The following PPP6R3 variants were observed in gnomAD, a reference collection of about 807,000 sequenced individuals.
PPP6R3 encodes the protein protein phosphatase 6 regulatory subunit 3.
Under a neutral mutation model 110.7 loss-of-function variants are expected in PPP6R3, and 38 were observed. The ratio of observed to expected loss-of-function variants is 0.34; its 90% CI spans 0.26 to 0.45. PPP6R3 has a LOEUF of 0.45. Among genes scored for constraint, PPP6R3 ranks in the 20% least tolerant of loss-of-function variants. PPP6R3 has a pLI of 1.00. For synonymous variants in PPP6R3, 369 were observed against 373.5 expected, an observed-to-expected ratio of 0.99 and a Z score of 0.14; for missense variants, 870 against 1,062.4, an observed-to-expected ratio of 0.82 and a Z score of 2.52.
intron 7 of PPP6R3, among the ~76,000 whole-genome samples, chr11:68,556,143 C>T (rs1198558720): frequency 6.6e-6 from 1 of 152,030 alleles, no homozygotes; most frequent in African/African-American, 2.4e-5. Context: ...ACATAGCTTG[C>T]CGAGCTCTAT....
At position 68,509,911 on chromosome 11, in the gene PPP6R3, G is replaced by A. The variant is rs374916962; in HGVS notation, c.-157-9590G>A. 4.6e-4 allele frequency among the ~76,000 whole-genome samples: 70 copies of A among 151,018 alleles called. No homozygotes were observed. In the East Asian group the frequency reaches 0.01, roughly 22 times the overall value. ...ATTACAGGTGCCTGCCACCACACTC[G>A]GCAAATTTTTTTTTTTTTTTAAGTA... is the stretch of plus-strand genomic sequence containing the variant. On this transcript the variant is annotated intron_variant, in intron 1 of 23. Coordinates refer to ENST00000393800, the MANE Select transcript of PPP6R3 (RefSeq NM_001164161.2).
At chr11:68,520,089 A>T (rs1428036801) in intron 2 of PPP6R3, among the ~76,000 whole-genome samples, 1 of 152,182 alleles carries the variant, frequency 6.6e-6, no homozygotes, top group Non-Finnish European at 1.5e-5. Flanking sequence ...CCATCACTTT[A>T]GAAGTTTTTA....
intron 1 of PPP6R3, among the ~76,000 whole-genome samples, chr11:68,486,603 TAA>T (rs61408861): frequency 0.023 from 2,518 of 111,606 alleles, 96 homozygotes; most frequent in African/African-American, 0.082. Flanking sequence ...GACTCTGTCT[TAA>T]AAAAAAAAAA....
intron 8 of PPP6R3, among the ~76,000 whole-genome samples, chr11:68,561,014 A>C (rs903768403): frequency 6.7e-6 from 1 of 148,506 alleles, no homozygotes; most frequent in African/African-American, 2.5e-5. Flanking sequence ...CTCCTGCCTC[A>C]GTCTCCCGAG....
chr11:68,494,059 C>T lies in PPP6R3; in HGVS notation c.-157-25442C>T, dbSNP rs182812694. On this transcript the variant is annotated intron_variant, in intron 1 of 23. Coordinates refer to ENST00000393800, the MANE Select transcript of PPP6R3 (RefSeq NM_001164161.2). ...AGGAGCTTGCAGTGGGCCGAGATTG[C>T]GCCACTGTACTCCAGCCTGGGCAGC... 1.1e-4 allele frequency among the ~76,000 whole-genome samples: 17 copies of T among 148,104 alleles called. No individual in the cohort carries two copies. The East Asian group carries it at 1.4e-3, about 12-fold the overall frequency.
In PPP6R3 at chr11:68,614,592, C is replaced by G. The variant is rs1190987269; in HGVS notation, c.*1475C>G. 5 of 1,505,148 alleles carry G rather than the reference C, an allele frequency of 3.3e-6. No individual in the cohort carries two copies. In the African/African-American group the frequency reaches 7.3e-5, roughly 22 times the overall value. 93.2% of individuals were successfully genotyped at this position (1,505,148 alleles called of 1,614,324 possible). On this transcript the variant is annotated 3_prime_UTR_variant, in exon 24 of 24. Coordinates refer to ENST00000393800, the MANE Select transcript of PPP6R3 (RefSeq NM_001164161.2). ...ATATGGAAATAAAAGAATCAAACGT[C>G]TAATGCCTTATTATTTCTGATTTCC...
At chr11:68,568,709 C>A (rs2099489399) in intron 10 of PPP6R3, among the ~76,000 whole-genome samples, 1 of 152,040 alleles carries the variant, frequency 6.6e-6, no homozygotes, top group Non-Finnish European at 1.5e-5. Context: ...TGTTGCATCT[C>A]ATACAATACC....
At chr11:68,504,040 T>C (rs951093352) in intron 1 of PPP6R3, among the ~76,000 whole-genome samples, 1 of 152,230 alleles carries the variant, frequency 6.6e-6, no homozygotes, top group African/African-American at 2.4e-5. Flanking sequence ...GCCACGTGCC[T>C]AATTAGAAGC....
chr11:68,558,981 G>A (rs2099409382), intron 8 of PPP6R3, among the ~76,000 whole-genome samples: 1 of 152,282 alleles, frequency 6.6e-6, no homozygotes, highest in East Asian at 1.9e-4. Context: ...CATGTATAAT[G>A]GCTGAAAAAC....
At chr11:68,468,495 C>G (rs190622980) in intron 1 of PPP6R3, among the ~76,000 whole-genome samples, 1 of 152,294 alleles carries the variant, frequency 6.6e-6, no homozygotes, top group Admixed American at 6.5e-5. Context: ...TAGATGGACT[C>G]AGCAGCTATG....
At chr11:68,611,427 C>T (rs1016084058) in intron 23 of PPP6R3, among the ~76,000 whole-genome samples, 3 of 152,164 alleles carry the variant, frequency 2.0e-5, no homozygotes, top group Non-Finnish European at 4.4e-5. Context: ...AAGGGGAAGC[C>T]ACTTGCTCTC....
At chr11:68,584,465 A>G (rs1312974858) in intron 15 of PPP6R3, among the ~76,000 whole-genome samples, 1 of 152,236 alleles carries the variant, frequency 6.6e-6, no homozygotes, top group Non-Finnish European at 1.5e-5. Flanking sequence ...AAGCTTGATG[A>G]TATCAAATGT....
chr11:68,477,741 A>AAAATATATATATATATAT, intron 1 of PPP6R3, among the ~76,000 whole-genome samples: 18 of 57,904 alleles, frequency 3.1e-4, no homozygotes, highest in African/African-American at 4.3e-4. Flanking sequence ...AAAAAAAAAA[A>AAAATATATATATATATAT]ATATATATAT....
At chr11:68,485,292 T>C (rs1315103721) in intron 1 of PPP6R3, among the ~76,000 whole-genome samples, 13 of 149,006 alleles carry the variant, frequency 8.7e-5, no homozygotes, top group South Asian at 2.1e-4. Flanking sequence ...TTTTTTTTTT[T>C]CAATTCCTTC....
At chr11:68,602,809 G>C (rs377150990) in intron 21 of PPP6R3, among the ~76,000 whole-genome samples, 46 of 152,294 alleles carry the variant, frequency 3.0e-4, no homozygotes, top group African/African-American at 1.1e-3. Flanking sequence ...CCTTGTCCAA[G>C]TAGTCTACAG....
At chr11:68,528,828 G>C (rs538920746) in intron 2 of PPP6R3, among the ~76,000 whole-genome samples, 3 of 152,220 alleles carry the variant, frequency 2.0e-5, no homozygotes, top group Non-Finnish European at 4.4e-5. Context: ...GTCAGGCACT[G>C]TTCAACTAAG....
chr11:68,559,718 T>C (rs1768681914), intron 8 of PPP6R3, among the ~76,000 whole-genome samples: 1 of 152,174 alleles, frequency 6.6e-6, no homozygotes, highest in African/African-American at 2.4e-5. Context: ...CCTGTCTCTT[T>C]CTAGGAAAAT....
chr11:68,564,924 C>G (rs1025014458), intron 9 of PPP6R3, among the ~76,000 whole-genome samples: 1 of 152,110 alleles, frequency 6.6e-6, no homozygotes, highest in African/African-American at 2.4e-5. Context: ...ATGACTGTTT[C>G]CTCAGTGAAG....
At chr11:68,519,309 A>G (rs2099152428) in intron 1 of PPP6R3, among the ~76,000 whole-genome samples, 192 bp from the exon 2 acceptor site, 1 of 152,210 alleles carries the variant, frequency 6.6e-6, no homozygotes, top group South Asian at 2.1e-4. Flanking sequence ...GATAAAAGCT[A>G]AGGTAGAGAG....
Sources: gnomAD v4.1 joint callset for allele counts (sites outside exome capture counted in the v4.1 genomes callset) on GRCh38, gnomAD v4.1.1 for gene constraint, MANE v1.5 for transcripts, NCBI Gene and HGNC (gene_info 2026-07-23, HGNC 2026-07-21) for gene names.